SF3A1: variants seen among roughly 807,000 people sequenced by gnomAD.
SF3A1 encodes the protein SAP 114.
SF3A1 carries 13 observed loss-of-function variants against 89.9 expected under a neutral mutation model. The ratio of observed to expected loss-of-function variants is 0.14; its 90% CI spans 0.09 to 0.23. The LOEUF is 0.23. Among genes scored for constraint, SF3A1 ranks in the 10% least tolerant of loss-of-function variants. SF3A1 has a pLI of 1.00. For synonymous variants in SF3A1, 405 were observed against 374.4 expected (o/e 1.08, Z -0.94); for missense variants, 604 against 1,022.1 (o/e 0.59, Z 5.58).
At chr22:30,353,698 AG>A (rs1931670248) in intron 1 of SF3A1, among the ~76,000 whole-genome samples, 1 of 152,146 alleles carries the variant, frequency 6.6e-6, no homozygotes, top group South Asian at 2.1e-4. Context: ...AGCCCTTTAA[AG>A]GGCTAGGAAT....
chr22:30,339,820 A>C (rs555518252), intron 9 of SF3A1, among the ~76,000 whole-genome samples: 2 of 152,360 alleles, frequency 1.3e-5, no homozygotes, highest in African/African-American at 4.8e-5. Context: ...GGAAAGGGCC[A>C]CATGGTGTAA....
rs543000872 is a variant in SF3A1 at position 30,341,100 on chromosome 22, A to G, written c.1072-288T>C. Among the ~76,000 whole-genome samples, 101 of 95,964 alleles carry G rather than the reference A, an allele frequency of 1.1e-3. No individual in the cohort carries two copies. In the South Asian group the frequency reaches 0.033, roughly 32 times the overall value. 63.0% of individuals were successfully genotyped at this position (95,964 alleles called of 152,430 possible). A position where few individuals can be genotyped will look rare whatever the true frequency, so the allele number is the denominator to read the frequency against. On this transcript the variant is annotated intron_variant, in intron 7 of 15. Coordinates refer to ENST00000215793, the MANE Select transcript of SF3A1 (RefSeq NM_005877.6). ...GGCACTTAACATGCCGGGGGGGGAC[A>G]GTGCCAAGGGGGCGAGGGGTGGGGG...
rs1022951239 is a variant in SF3A1, at chr22:30,339,269, A to G, written c.1376-18T>C. 1.4e-5 allele frequency: 22 copies of G among 1,613,074 alleles called. No individual in the cohort carries two copies. Among genetic ancestry groups the G allele is most frequent in the Non-Finnish European group, 1.8e-5 (21 of 1,179,978 alleles). ...ATCCAGACCTGTACAGTCACAAAAC[A>G]GAGGCAGAGGATAGAAAGAGAAAAT... On this transcript the variant is annotated intron_variant, in intron 9 of 15. Coordinates refer to ENST00000215793, the MANE Select transcript of SF3A1 (RefSeq NM_005877.6).
At chr22:30,350,807 G>C (rs919728077) in intron 2 of SF3A1, among the ~76,000 whole-genome samples, 1 of 152,182 alleles carries the variant, frequency 6.6e-6, no homozygotes, top group African/African-American at 2.4e-5. Flanking sequence ...TAAAGTATCA[G>C]GGGAAAAGGG....
chr22:30,344,444 G>C (rs1337986139), intron 4 of SF3A1, among the ~76,000 whole-genome samples: 2 of 152,236 alleles, frequency 1.3e-5, no homozygotes, highest in East Asian at 1.9e-4. Context: ...GTCAAATGTG[G>C]TTTAAATCTC....
chr22:30,356,763 G>C lies in SF3A1; in HGVS notation c.30C>G (p.Pro10=), dbSNP rs768258346. ...GCTCCGTGGGCACGGGCGGCGGCGG[G>C]GGCACCGCCTGCACGGGTCCGGCCG... MPAGPVQAV[P]PPPPVPTEPK... Residue 10 remains proline (P), a synonymous_variant, in exon 1 of 16, where the codon CCC becomes CCG. Coordinates refer to ENST00000215793, the MANE Select transcript of SF3A1 (RefSeq NM_005877.6). 3 of 1,480,904 alleles carry C rather than the reference G, an allele frequency of 2.0e-6. No homozygotes were observed. The East Asian group carries it at 8.3e-5, about 41-fold the overall frequency. 91.7% of individuals were successfully genotyped at this position (1,480,904 alleles called of 1,614,324 possible). A position where few individuals can be genotyped will look rare whatever the true frequency, so the allele number is the denominator to read the frequency against.
chr22:30,340,835 G>A, intron 7 of SF3A1, 23 bp from the exon 8 acceptor site: 1 of 1,382,258 alleles, frequency 7.2e-7, no homozygotes, highest in Non-Finnish European at 1.0e-6. Context: ...GCAATGGCAG[G>A]ACTCAGAGAG....
chr22:30,342,506 G>A (rs1234209798), intron 5 of SF3A1, 156 bp from the exon 6 acceptor site: 3 of 811,538 alleles, frequency 3.7e-6, no homozygotes, highest in Non-Finnish European at 5.7e-6. Context: ...TTCCACCCAG[G>A]TGCAGAGTTG....
rs766883305 is a variant in SF3A1 at position 30,340,432 on chromosome 22, G to A, written c.1190-51C>T. The A allele has an allele frequency of 7.0e-6, 11 of 1,562,992 alleles. No homozygotes were observed. In the South Asian group the frequency reaches 1.1e-4, roughly 16 times the overall value. On this transcript the variant is annotated intron_variant, in intron 8 of 15. Coordinates refer to ENST00000215793, the MANE Select transcript of SF3A1 (RefSeq NM_005877.6). Reference sequence around the variant, plus strand: ...AGAACACTGGTGGGCAGCCACCTGAGTTAAGAGGGTGGTATTTCATGCGTG... The same window carrying A: ...AGAACACTGGTGGGCAGCCACCTGAATTAAGAGGGTGGTATTTCATGCGTG...
chr22:30,336,303 C>T (rs977984679), intron 13 of SF3A1, among the ~76,000 whole-genome samples: 2 of 152,132 alleles, frequency 1.3e-5, no homozygotes, highest in African/African-American at 2.4e-5. Flanking sequence ...GGATCACTTA[C>T]GGCCAGGAGT....
intron 3 of SF3A1, among the ~76,000 whole-genome samples, chr22:30,345,897 G>C (rs1931402696): frequency 6.6e-6 from 1 of 152,134 alleles, no homozygotes; most frequent in Non-Finnish European, 1.5e-5. Flanking sequence ...GGGAAGAAGA[G>C]ATAGAAGGGA....
chr22:30,340,226 T>C lies in SF3A1; in HGVS notation c.1345A>G (p.Lys449Glu). ...GCGTACACCTCATCATCGCTCTGCT[T>C]CTCACGGATGGAGCGATCCCGCTGC... ...LEQRDRSIRE[K>E]QSDDEVYAPG... The change falls in exon 9 of 16, where the codon AAG (lysine) becomes GAG (glutamate). Residue 449 changes from lysine (K) to glutamate (E), a missense_variant. Transcript: ENST00000215793. 1 of 1,596,608 alleles carries C rather than the reference T, an allele frequency of 6.3e-7. No individual in the cohort carries two copies. Among genetic ancestry groups the C allele is most frequent in the Non-Finnish European group, 8.5e-7 (1 of 1,172,556 alleles).
chr22:30,334,839 G>A, intron 15 of SF3A1, 144 bp from the exon 16 acceptor site: 1 of 582,608 alleles, frequency 1.7e-6, no homozygotes, highest in Non-Finnish European at 3.0e-6. Flanking sequence ...TTGGGGACTG[G>A]AGGCCTCTCA....
intron 13 of SF3A1, 61 bp downstream of exon 13, chr22:30,336,965 C>T (rs9608884): frequency 1.4e-4 from 222 of 1,599,832 alleles, no homozygotes; most frequent in African/African-American, 7.5e-4. Flanking sequence ...CGCAAGTGTA[C>T]GACAGGGGCG....
At chr22:30,347,886 G>A (rs1931467620) in intron 2 of SF3A1, among the ~76,000 whole-genome samples, 2 of 152,240 alleles carry the variant, frequency 1.3e-5, no homozygotes, top group Admixed American at 6.5e-5. Flanking sequence ...CTGTCACCCA[G>A]GCTGGAGTGC....
rs763301620 is a variant in SF3A1 at position 30,346,372 on chromosome 22, G to A, written c.333C>T (p.Ala111=). The change falls in exon 3 of 16, where the codon GCC becomes GCT. Residue 111 remains alanine, a synonymous_variant. Transcript: ENST00000215793. ...FKEGKAQEPS[A]AIPKVMQQQQ... ...GCTGCTGCATGACCTTGGGGATGGC[G>A]GCGGACGGCTCCTGAGCCTTCCCTT... 7.4e-6 allele frequency: 12 copies of A among 1,613,884 alleles called. No individual in the cohort carries two copies. The highest frequency in any genetic ancestry group is 4.2e-6 in the Non-Finnish European group (5 of 1,179,954).
At chr22:30,348,883 A>T (rs1209893824) in intron 2 of SF3A1, among the ~76,000 whole-genome samples, 1 of 152,192 alleles carries the variant, frequency 6.6e-6, no homozygotes, top group Non-Finnish European at 1.5e-5. Context: ...ACTTTACCCC[A>T]TCTGGGAACA....
chr22:30,344,867 T>C, intron 4 of SF3A1, 66 bp downstream of exon 4: 1 of 1,563,934 alleles, frequency 6.4e-7, no homozygotes, highest in South Asian at 1.2e-5. Flanking sequence ...GTGGACACAG[T>C]GCTTCCAAGC....
Position 30,342,816 on chromosome 22 carries a change from C to T in SF3A1, c.715G>A (p.Val239Ile), listed in dbSNP as rs1022119401. Residue 239 changes from valine (V) to isoleucine (I), a missense_variant, in exon 5 of 16, where the codon GTT becomes ATT. By Grantham distance (29) the Val-to-Ile change is conservative. Coordinates refer to ENST00000215793, the MANE Select transcript of SF3A1 (RefSeq NM_005877.6). ...LKKEAENPRE[V>I]LDQVCYRVEW... ...GCTATTCAGTTTACCTGATCCAAAA[C>T]TTCTCGGGGGTTTTCAGCCTCTTTC... is the stretch of plus-strand genomic sequence containing the variant. The T allele has an allele frequency of 1.9e-6, 3 of 1,610,874 alleles. No individual in the cohort carries two copies. Among genetic ancestry groups the T allele is most frequent in the Non-Finnish European group, 2.5e-6 (3 of 1,177,604 alleles).
Sources: allele counts gnomAD v4.1 joint callset (sites outside exome capture counted in the v4.1 genomes callset), GRCh38; gene constraint gnomAD v4.1.1; transcripts MANE v1.5; gene names NCBI Gene and HGNC (gene_info 2026-07-23, HGNC 2026-07-21).